The following ZNF385D variants were observed in gnomAD, a reference collection of about 807,000 sequenced individuals.
ZNF385D encodes zinc finger protein 659.
A neutral mutation model predicts 35.8 loss-of-function variants in ZNF385D; 15 were observed. That is an observed-to-expected ratio of 0.42 (90% CI 0.28 to 0.64). The LOEUF is 0.64. Ranked by LOEUF, ZNF385D falls within the 30% of genes least tolerant of loss-of-function variation. ZNF385D has a pLI of 0.23. For synonymous variants in ZNF385D, 212 were observed against 186.8 expected, an observed-to-expected ratio of 1.13 and a Z score of -1.10; for missense variants, 474 against 494.6, an observed-to-expected ratio of 0.96 and a Z score of 0.39.
At chr3:21,693,141 T>TA (rs2067339925) in intron 1 of ZNF385D, among the ~76,000 whole-genome samples, 1 of 152,188 alleles carries the variant, frequency 6.6e-6, no homozygotes, top group Non-Finnish European at 1.5e-5. Context: ...GCTTTTCTGA[T>TA]ACCTCAATGA....
rs559545066 is a variant in ZNF385D at position 22,231,736 on chromosome 3, G to C, written c.107-62701C>G. Among the ~76,000 whole-genome samples the C allele has an allele frequency of 3.0e-4, 45 of 152,218 alleles. No individual in the cohort carries two copies. The South Asian group carries it at 4.1e-3, about 14-fold the overall frequency. ...GAGCAGAGCAGAATAATATGGTTTG[G>C]CTCTGTGTCCCCACACAGATCTCAT... On this transcript the variant is annotated intron_variant, in intron 2 of 5. Transcript: ENST00000494108.
chr3:22,181,894 C>T (rs149718471), intron 2 of ZNF385D, among the ~76,000 whole-genome samples: 1 of 152,202 alleles, frequency 6.6e-6, no homozygotes, highest in East Asian at 1.9e-4. Flanking sequence ...ATGAGTTTCC[C>T]TGTGAAGAGG....
chr3:22,281,233 C>A (rs1004812155), intron 2 of ZNF385D, among the ~76,000 whole-genome samples: 8 of 152,086 alleles, frequency 5.3e-5, no homozygotes, highest in African/African-American at 1.9e-4. Context: ...TTCTTTCTTT[C>A]TCTTGTCTGA....
chr3:21,944,829 A>G (rs953303850), intron 3 of ZNF385D, among the ~76,000 whole-genome samples: 2 of 152,130 alleles, frequency 1.3e-5, no homozygotes, highest in Non-Finnish European at 2.9e-5. Flanking sequence ...GAGCAAATTC[A>G]TTGATGAATA....
chr3:21,770,303 C>T (rs2071021699), intron 3 of ZNF385D, among the ~76,000 whole-genome samples: 1 of 152,084 alleles, frequency 6.6e-6, no homozygotes, highest in African/African-American at 2.4e-5. Context: ...GAACAGGCAA[C>T]CTACAGAATG....
At chr3:22,118,641 A>G (rs1702931310) in intron 3 of ZNF385D, among the ~76,000 whole-genome samples, 1 of 151,922 alleles carries the variant, frequency 6.6e-6, no homozygotes, top group Admixed American at 6.6e-5. Flanking sequence ...AAATTCATTC[A>G]TGTTGGTGTG....
intron 2 of ZNF385D, among the ~76,000 whole-genome samples, chr3:22,176,987 T>C (rs1027571860): frequency 2.6e-5 from 4 of 152,202 alleles, no homozygotes; most frequent in Admixed American, 1.3e-4. Flanking sequence ...ATTATATTAC[T>C]ATTATTACAT....
chr3:21,965,527 T>C (rs2056784006), intron 3 of ZNF385D, among the ~76,000 whole-genome samples: 1 of 151,942 alleles, frequency 6.6e-6, no homozygotes, highest in African/African-American at 2.4e-5. Flanking sequence ...TTCACAGATG[T>C]CCAAACAAGA....
In ZNF385D at chr3:21,526,727, C is replaced by T. The variant is rs145047932; in HGVS notation, c.277-15704G>A. ...TCATACAAGACAGGACAATTTAATG[C>T]TAATTCATTCACTGGAACAATAGAT... On this transcript the variant is annotated intron_variant, in intron 3 of 7. Coordinates refer to ENST00000281523, the MANE Select transcript of ZNF385D (RefSeq NM_024697.3). Among the ~76,000 whole-genome samples, 854 of 152,224 alleles carry T rather than the reference C, an allele frequency of 5.6e-3. 38 individuals are homozygous for T. The highest frequency in any genetic ancestry group is 0.05 in the Admixed American group (763 of 15,282).
intron 1 of ZNF385D, among the ~76,000 whole-genome samples, chr3:21,676,336 G>A (rs954750604): frequency 6.6e-6 from 1 of 152,104 alleles, no homozygotes; most frequent in Non-Finnish European, 1.5e-5. Context: ...GCTCTGTTTA[G>A]TCTCGGCCTC....
chr3:21,704,860 AAAAGTAGATACTTAAT>A (rs373904925), intron 1 of ZNF385D, among the ~76,000 whole-genome samples: 1 of 152,218 alleles, frequency 6.6e-6, no homozygotes, highest in African/African-American at 2.4e-5. Context: ...TAGTGCTAGA[AAAAGTAGATACTTAAT>A]AAGTACTTGT....
At chr3:21,793,654 T>C (rs2072021625) in intron 3 of ZNF385D, among the ~76,000 whole-genome samples, 1 of 152,208 alleles carries the variant, frequency 6.6e-6, no homozygotes, top group African/African-American at 2.4e-5. Context: ...TTTGTACAAG[T>C]CAAGTTGTAA....
In ZNF385D at chr3:22,266,924, ATCTT is replaced by A. The variant is rs918817980; in HGVS notation, c.107-97893_107-97890del. On this transcript the variant is annotated intron_variant, in intron 2 of 5. Coordinates refer to the ZNF385D transcript ENST00000494108. The stretch of plus-strand genomic sequence containing the variant: ...AAGCCAAGGAAAACAAAACAAAACA[ATCTT>A]TCCTTCCGAGGATATGTAACGACAA... 6.4e-4 allele frequency among the ~76,000 whole-genome samples: 98 copies of A among 151,958 alleles called. 1 individual carries two copies. Among genetic ancestry groups the A allele is most frequent in the African/African-American group, 2.1e-3 (89 of 41,526 alleles).
At chr3:21,765,589 T>C (rs894228234) in intron 3 of ZNF385D, among the ~76,000 whole-genome samples, 1 of 151,628 alleles carries the variant, frequency 6.6e-6, no homozygotes, top group Non-Finnish European at 1.5e-5. Flanking sequence ...AGCCAGTAGG[T>C]AGTAGAGACT....
At chr3:22,333,082 A>C (rs1254103095) in intron 2 of ZNF385D, among the ~76,000 whole-genome samples, 1 of 152,100 alleles carries the variant, frequency 6.6e-6, no homozygotes, top group African/African-American at 2.4e-5. Context: ...TTGGACATGG[A>C]ATTCTAGCTT....
At chr3:21,956,062 C>T (rs1702269494) in intron 3 of ZNF385D, among the ~76,000 whole-genome samples, 1 of 151,884 alleles carries the variant, frequency 6.6e-6, no homozygotes, top group African/African-American at 2.4e-5. Flanking sequence ...TGGCACATGC[C>T]CATAGTCCCA....
upstream of ZNF385D, chr3:21,751,344 G>T (rs934697482): frequency 2.8e-6 from 3 of 1,052,834 alleles, no homozygotes. Context: ...AGAGACTTGG[G>T]AAGGGGCGGA....
intron 4 of ZNF385D, among the ~76,000 whole-genome samples, chr3:21,446,106 T>C (rs896694466): frequency 1.3e-5 from 2 of 152,200 alleles, no homozygotes; most frequent in Non-Finnish European, 2.9e-5. Flanking sequence ...TGATTCAGTA[T>C]GTATAGGGTG....
intron 3 of ZNF385D, among the ~76,000 whole-genome samples, chr3:22,044,290 C>G (rs1156947287): frequency 6.6e-6 from 1 of 151,922 alleles, no homozygotes; most frequent in African/African-American, 2.4e-5. Context: ...CTTTGGAAAT[C>G]TGAATTAATT....
Sources: gnomAD v4.1 joint callset for allele counts (sites outside exome capture counted in the v4.1 genomes callset) on GRCh38, gnomAD v4.1.1 for gene constraint, MANE v1.5 for transcripts, NCBI Gene and HGNC (gene_info 2026-07-23, HGNC 2026-07-21) for gene names.